Variants in CACNA2D3 observed in about 807,000 individuals in gnomAD.
CACNA2D3 encodes the protein calcium voltage-gated channel auxiliary subunit alpha2delta 3, also known as voltage-dependent calcium channel subunit alpha-2/delta-3.
A neutral mutation model predicts 160.6 loss-of-function variants in CACNA2D3; 60 were observed. The observed-to-expected ratio is 0.37, with a 90% confidence interval of 0.30 to 0.46. The LOEUF (loss-of-function observed/expected upper bound fraction) is 0.46. Ranked by LOEUF, CACNA2D3 falls within the 20% of genes least tolerant of loss-of-function variation. The pLI, the probability that CACNA2D3 is intolerant of heterozygous loss-of-function variation, is 1.00. For synonymous variants in CACNA2D3, 558 were observed against 492.9 expected (o/e 1.13, Z -1.75); for missense variants, 1,205 against 1,365.0 (o/e 0.88, Z 1.85).
chr3:54,344,185 C>T (rs796482990), intron 3 of CACNA2D3, among the ~76,000 whole-genome samples: 2 of 152,110 alleles, frequency 1.3e-5, no homozygotes, highest in Non-Finnish European at 2.9e-5. Context: ...GTTAGGTTCC[C>T]GCAGCCTCTC....
chr3:55,016,163 A>G (rs1209689897), intron 34 of CACNA2D3, among the ~76,000 whole-genome samples: 1 of 152,224 alleles, frequency 6.6e-6, no homozygotes, highest in South Asian at 2.1e-4. Context: ...AATGACTACC[A>G]GCACTGTACA....
intron 3 of CACNA2D3, among the ~76,000 whole-genome samples, chr3:54,354,750 T>A (rs1464642985): frequency 6.6e-6 from 1 of 152,254 alleles, no homozygotes; most frequent in Non-Finnish European, 1.5e-5. Context: ...CCCCTTGGGC[T>A]ACTTGGTTCT....
chr3:54,360,908 C>T (rs1344903355), intron 3 of CACNA2D3, among the ~76,000 whole-genome samples: 1 of 151,990 alleles, frequency 6.6e-6, no homozygotes. Context: ...TTTTCTATGT[C>T]TCATCCATAT....
chr3:54,730,680 T>G (rs996680641), intron 11 of CACNA2D3, among the ~76,000 whole-genome samples: 2 of 152,166 alleles, frequency 1.3e-5, no homozygotes, highest in Admixed American at 6.5e-5. Context: ...TTTTTGTATT[T>G]TTAATAGAGA....
chr3:54,978,965 A>G (rs899364058), intron 29 of CACNA2D3, among the ~76,000 whole-genome samples: 2 of 152,224 alleles, frequency 1.3e-5, no homozygotes, highest in Middle Eastern at 3.2e-3. Flanking sequence ...GCTTTATTAT[A>G]CTTGGCCTGA....
chr3:54,706,912 T>A (rs186200249), intron 11 of CACNA2D3, among the ~76,000 whole-genome samples: 21 of 152,346 alleles, frequency 1.4e-4, no homozygotes, highest in Non-Finnish European at 2.5e-4. Flanking sequence ...TCCATCACTC[T>A]GTTCCCTACC....
chr3:54,488,284 G>T (rs903435171), intron 4 of CACNA2D3, among the ~76,000 whole-genome samples: 1 of 152,188 alleles, frequency 6.6e-6, no homozygotes, highest in African/African-American at 2.4e-5. Context: ...GCAGAGGGAA[G>T]CAAGGGTAGA....
intron 2 of CACNA2D3, among the ~76,000 whole-genome samples, chr3:54,259,484 A>C (rs898713572): frequency 1.3e-5 from 2 of 152,228 alleles, no homozygotes; most frequent in African/African-American, 4.8e-5. Context: ...GCTTCCACTT[A>C]ATTAAGCCAC....
chr3:54,213,049 C>G (rs543215679), intron 2 of CACNA2D3, among the ~76,000 whole-genome samples: 16 of 152,100 alleles, frequency 1.1e-4, no homozygotes, highest in African/African-American at 3.9e-4. Context: ...GCTGATGAGC[C>G]AAGGTCAGAA....
At chr3:54,988,324 TCG>T (rs1388934489) in intron 31 of CACNA2D3, among the ~76,000 whole-genome samples, 8 of 152,202 alleles carry the variant, frequency 5.3e-5, no homozygotes, top group Admixed American at 3.9e-4. Flanking sequence ...GTAAGAACTC[TCG>T]CTGATCCTGA....
intron 2 of CACNA2D3, among the ~76,000 whole-genome samples, chr3:54,165,114 A>ATTGTTT (rs1700425651): frequency 8.5e-6 from 1 of 117,888 alleles, no homozygotes; most frequent in East Asian, 2.6e-4. Flanking sequence ...TCTGAATCTC[A>ATTGTTT]TTTTTTTTTT....
chr3:54,928,768 C>T (rs1246381982), intron 27 of CACNA2D3, among the ~76,000 whole-genome samples: 4 of 149,272 alleles, frequency 2.7e-5, no homozygotes, highest in Non-Finnish European at 5.9e-5. Flanking sequence ...AGAAATACTT[C>T]TTAATCTTTC....
chr3:54,408,955 A>G (rs1369216299), intron 4 of CACNA2D3, among the ~76,000 whole-genome samples: 1 of 152,198 alleles, frequency 6.6e-6, no homozygotes, highest in East Asian at 1.9e-4. Context: ...CTATAATATA[A>G]CATGAACAGG....
intron 10 of CACNA2D3, among the ~76,000 whole-genome samples, chr3:54,635,059 TA>T (rs762050738): frequency 4.6e-5 from 7 of 151,894 alleles, no homozygotes; most frequent in African/African-American, 9.7e-5. Flanking sequence ...CAAGCGGGAT[TA>T]GGGGCGGTGT....
At chr3:54,500,687 C>G (rs1027875513) in intron 4 of CACNA2D3, among the ~76,000 whole-genome samples, 1 of 151,148 alleles carries the variant, frequency 6.6e-6, no homozygotes, top group Non-Finnish European at 1.5e-5. Context: ...TTAATTTTCT[C>G]TCCTCTCTTA....
chr3:55,035,322 C>T, intron 35 of CACNA2D3, among the ~76,000 whole-genome samples: 1 of 152,128 alleles, frequency 6.6e-6, no homozygotes, highest in Non-Finnish European at 1.5e-5. Context: ...TAATAATGAG[C>T]AACATTGAAA....
chr3:54,540,709 CTT>C lies in CACNA2D3; in HGVS notation c.545-22084_545-22083del, dbSNP rs145014746. Among the ~76,000 whole-genome samples, 1,560 of 151,950 alleles carry C rather than the reference CTT, an allele frequency of 0.01. 58 individuals carry two copies. The East Asian group carries it at 0.11, about 10-fold the overall frequency. On this transcript the variant is annotated intron_variant, in intron 5 of 37. Transcript: ENST00000474759. ...AGAGGAAGCGAGCTCTCTTATGTCT[CTT>C]TTTTTTAAAGGCACTAATTTCATCA...
At chr3:54,648,670 TAAAGA>T (rs1336797158) in intron 11 of CACNA2D3, among the ~76,000 whole-genome samples, 4 of 152,216 alleles carry the variant, frequency 2.6e-5, no homozygotes, top group African/African-American at 7.2e-5. Context: ...GGGTAATTTA[TAAAGA>T]AAAGAGGTGT....
At chr3:55,006,694 G>C (rs976599742) in intron 32 of CACNA2D3, among the ~76,000 whole-genome samples, 2 of 148,548 alleles carry the variant, frequency 1.3e-5, no homozygotes, top group Non-Finnish European at 3.0e-5. Context: ...AAGAGCCTCA[G>C]CATTGTTGTT....
Sources: gnomAD v4.1 joint callset for allele counts (sites outside exome capture counted in the v4.1 genomes callset) on GRCh38, gnomAD v4.1.1 for gene constraint, MANE v1.5 for transcripts, NCBI Gene and HGNC (gene_info 2026-07-23, HGNC 2026-07-21) for gene names.